The following REM1 variants were observed in gnomAD, a reference collection of about 807,000 sequenced individuals.
The protein encoded by REM1 is GTP-binding protein REM 1.
Under a neutral mutation model 27.0 loss-of-function variants are expected in REM1, and 20 were observed. The ratio of observed to expected loss-of-function variants is 0.74; its 90% CI spans 0.52 to 1.08. The LOEUF is 1.08. REM1 is among the 50% of genes least tolerant of loss of function. The pLI is 0.00. For missense variants in REM1, 405 were observed against 407.0 expected (o/e 1.00, Z 0.04); for synonymous variants, 159 against 167.9 (o/e 0.95, Z 0.41).
chr20:31,477,935 G>C (rs1479189702), intron 3 of REM1, 25 bp downstream of exon 3: 8 of 1,473,948 alleles, frequency 5.4e-6, no homozygotes, highest in Non-Finnish European at 7.6e-6. Flanking sequence ...GCAGAATTTG[G>C]GGAGAGGGGT....
At position 31,484,387 on chromosome 20, in the gene REM1, T is replaced by C; in HGVS notation, c.854T>C (p.Leu285Pro). The change falls in exon 5 of 5, where the codon CTC (leucine) becomes CCC (proline). Residue 285 changes from leucine (L) to proline (P), a missense_variant. Transcript: ENST00000201979. ...GCCCGCAGCGCACGCCGCCGGGCAC[T>C]CAAGGCCCGCTCCAAGTCCTGCCAC... ...LTARSARRRA[L>P]KARSKSCHNL... is the part of the protein sequence containing the mutation. The C allele has an allele frequency of 6.5e-7, 1 of 1,548,810 alleles. No homozygotes were observed. Among genetic ancestry groups the C allele is most frequent in the Non-Finnish European group, 8.7e-7 (1 of 1,148,370 alleles).
chr20:31,483,270 A>G (rs369979051), intron 4 of REM1, among the ~76,000 whole-genome samples: 377 of 152,352 alleles, frequency 2.5e-3, no homozygotes, highest in Non-Finnish European at 4.4e-3. Context: ...ACTGCACTCC[A>G]GCCTGGGTGA....
chr20:31,482,400 G>T lies in REM1; in HGVS notation c.537G>T (p.Leu179=), dbSNP rs376535489. Residue 179 remains leucine (L), a synonymous_variant, in exon 4 of 5, where the codon CTG becomes CTT. Coordinates refer to ENST00000201979, the MANE Select transcript of REM1 (RefSeq NM_014012.6). ...FESASELRIQ[L]RRTHQADHVP... is the part of the protein sequence containing the mutation. ...GTGCCTCTGAGCTCCGCATCCAGCT[G>T]CGGCGCACACATCAGGCAGACCATG... 10 of 1,614,186 alleles carry T rather than the reference G, an allele frequency of 6.2e-6. No homozygotes were observed. The highest frequency in any genetic ancestry group is 8.5e-6 in the Non-Finnish European group (10 of 1,180,036).
At chr20:31,482,552 C>A in intron 4 of REM1, 64 bp downstream of exon 4, 1 of 1,481,816 alleles carries the variant, frequency 6.7e-7, no homozygotes. Context: ...GCTCCTCCAG[C>A]GCTCTTCATC....
chr20:31,476,260 G>A lies in REM1; in HGVS notation c.-186G>A. On this transcript the variant is annotated 5_prime_UTR_variant, in exon 2 of 5. Transcript: ENST00000201979. ...AGAGCCTGAGGCCAGAAAACCTAGG[G>A]ACTTTCTGCCCCAAGAAGCTGAGGC... The A allele has an allele frequency of 1.7e-6, 1 of 573,594 alleles. No homozygotes were observed. The highest frequency in any genetic ancestry group is 3.1e-6 in the Non-Finnish European group (1 of 325,976). The allele number at this position is 573,594 out of a possible 1,614,324, so 35.5% of individuals were successfully genotyped here. A position where few individuals can be genotyped will look rare whatever the true frequency, so the allele number is the denominator to read the frequency against.
chr20:31,476,603 A>G lies in REM1; in HGVS notation c.158A>G (p.Asn53Ser), dbSNP rs978338681. 3.7e-6 allele frequency: 6 copies of G among 1,611,376 alleles called. No individual in the cohort carries two copies. In the African/African-American group the frequency reaches 6.7e-5, roughly 18 times the overall value. Residue 53 changes from asparagine to serine, a missense_variant, in exon 2 of 5, where the codon AAC becomes AGC. By Grantham distance (46) the Asn-to-Ser change is conservative. Transcript: ENST00000201979. ...HPRLGQSASL[N>S]PPTQKPSPAP... ...CGGCTGGGCCAATCAGCCTCCCTCA[A>G]CCCTCCCACCCAGAAACCTTCACCT...
In REM1 at chr20:31,484,303, C is replaced by T; in HGVS notation, c.770C>T (p.Ala257Val). 1 of 1,582,702 alleles carries T rather than the reference C, an allele frequency of 6.3e-7. No individual in the cohort carries two copies. Among genetic ancestry groups the T allele is most frequent in the Non-Finnish European group, 8.6e-7 (1 of 1,165,502 alleles). ...RRDSAAKEPP[A>V]PRRPASLAQR... ...GACAGTGCGGCCAAGGAACCCCCAGCACCCCGACGGCCGGCCAGCCTAGCC... is the reference window on the plus strand; with the variant it reads ...GACAGTGCGGCCAAGGAACCCCCAGTACCCCGACGGCCGGCCAGCCTAGCC... The change falls in exon 5 of 5, where the codon GCA (alanine) becomes GTA (valine). Residue 257 changes from alanine (A) to valine (V), a missense_variant. Coordinates refer to ENST00000201979, the MANE Select transcript of REM1 (RefSeq NM_014012.6).
rs1033666325 is a variant in REM1 at position 31,479,735 on chromosome 20, G to T, written c.423+1825G>T. 1.2e-4 allele frequency among the ~76,000 whole-genome samples: 18 copies of T among 152,218 alleles called. No individual in the cohort carries two copies. The East Asian group carries it at 3.5e-3, about 29-fold the overall frequency. On this transcript the variant is annotated intron_variant, in intron 3 of 4. Coordinates refer to ENST00000201979, the MANE Select transcript of REM1 (RefSeq NM_014012.6). ...AGGCTGAATCTGACAGAATTGGATG[G>T]GCCTTAGGACCTTAGTGTACCAGGT...
At chr20:31,482,152 C>T (rs1980752508) in intron 3 of REM1, 135 bp from the exon 4 acceptor site, 2 of 681,454 alleles carry the variant, frequency 2.9e-6, no homozygotes, top group South Asian at 3.8e-5. Context: ...GGAATTATAG[C>T]AGAAGTTGTC....
chr20:31,484,036 A>C, intron 4 of REM1, 123 bp from the exon 5 acceptor site: 1 of 1,101,928 alleles, frequency 9.1e-7, no homozygotes, highest in South Asian at 1.8e-5. Flanking sequence ...GTCCCCAGAC[A>C]GCAGCACCAG....
In REM1 at chr20:31,477,822, T is replaced by C. The variant is rs777473139; in HGVS notation, c.341-6T>C. On this transcript the variant is annotated splice_region_variant and splice_polypyrimidine_tract_variant and intron_variant, in intron 2 of 4. Transcript: ENST00000201979. ...CCCTGAGATCCAGCTCTTCCCTCGG[T>C]TGCAGAAGATGTATATGAGAGGACC... The C allele has an allele frequency of 6.2e-7, 1 of 1,610,578 alleles. No homozygotes were observed. The highest frequency in any genetic ancestry group is 8.5e-7 in the Non-Finnish European group (1 of 1,178,406).
At position 31,476,477 on chromosome 20, in the gene REM1, C is replaced by T; in HGVS notation, c.32C>T (p.Thr11Ile). 2 of 1,604,658 alleles carry T rather than the reference C, an allele frequency of 1.2e-6. No individual in the cohort carries two copies. The highest frequency in any genetic ancestry group is 1.7e-6 in the Non-Finnish European group (2 of 1,175,308). Residue 11 changes from threonine to isoleucine, a missense_variant, in exon 2 of 5, where the codon ACC becomes ATC. Coordinates refer to ENST00000201979, the MANE Select transcript of REM1 (RefSeq NM_014012.6). The stretch of plus-strand genomic sequence containing the variant: ...CTCAACACCGAGCAGGAAGCAAAGA[C>T]CCCTCTGCACCGGCGAGCCAGCACC... MTLNTEQEAK[T>I]PLHRRASTPL...
At chr20:31,482,152 C>A in intron 3 of REM1, 135 bp from the exon 4 acceptor site, 1 of 681,572 alleles carries the variant, frequency 1.5e-6, no homozygotes, top group Non-Finnish European at 2.5e-6. Flanking sequence ...GGAATTATAG[C>A]AGAAGTTGTC....
At chr20:31,480,472 C>T (rs1289017873) in intron 3 of REM1, among the ~76,000 whole-genome samples, 1 of 151,980 alleles carries the variant, frequency 6.6e-6, no homozygotes, top group African/African-American at 2.4e-5. Flanking sequence ...TACAGGCACC[C>T]ACCACCACGC....
Position 31,476,626 on chromosome 20 carries a change from C to A in REM1, c.181C>A (p.Pro61Thr). 6.2e-7 allele frequency: 1 copy of A among 1,614,188 alleles called. No individual in the cohort carries two copies. Among genetic ancestry groups the A allele is most frequent in the Non-Finnish European group, 8.5e-7 (1 of 1,180,020 alleles). The change falls in exon 2 of 5, where the codon CCT becomes ACT. Residue 61 changes from proline (P) to threonine (T), a missense_variant. By Grantham distance (38) the Pro-to-Thr change is conservative (BLOSUM62 -1). Coordinates refer to ENST00000201979, the MANE Select transcript of REM1 (RefSeq NM_014012.6). ...CAACCCTCCCACCCAGAAACCTTCA[C>A]CTGCCCCAGATGATTGGTCTTCTGA... ...SLNPPTQKPSPAPDDWSSESS... is the reference protein window; with the variant it reads ...SLNPPTQKPSTAPDDWSSESS...
intron 4 of REM1, 86 bp from the exon 5 acceptor site, chr20:31,484,073 A>T (rs1008841286): frequency 1.4e-6 from 2 of 1,402,544 alleles, no homozygotes; most frequent in Non-Finnish European, 1.9e-6. Context: ...AATTGCTTCC[A>T]ATCGAGACTA....
At chr20:31,479,362 A>C (rs1980638187) in intron 3 of REM1, among the ~76,000 whole-genome samples, 1 of 152,144 alleles carries the variant, frequency 6.6e-6, no homozygotes, top group Non-Finnish European at 1.5e-5. Context: ...GGCTGGTTAG[A>C]GGGTCTACTT....
At chr20:31,483,339 T>C (rs2122482737) in intron 4 of REM1, among the ~76,000 whole-genome samples, 1 of 152,316 alleles carries the variant, frequency 6.6e-6, no homozygotes, top group Admixed American at 6.5e-5. Context: ...CCTAGCCCCT[T>C]AATCAGAGAC....
At chr20:31,482,623 T>C in intron 4 of REM1, 135 bp downstream of exon 4, 1 of 838,444 alleles carries the variant, frequency 1.2e-6, no homozygotes. Flanking sequence ...GCCTGCAAGC[T>C]GGGAACCATT....
Sources: gnomAD v4.1 joint callset for allele counts (sites outside exome capture counted in the v4.1 genomes callset) on GRCh38, gnomAD v4.1.1 for gene constraint, MANE v1.5 for transcripts, NCBI Gene and HGNC (gene_info 2026-07-23, HGNC 2026-07-21) for gene names.